Variants in PTPRD observed in about 807,000 individuals in gnomAD.
PTPRD encodes protein tyrosine phosphatase receptor type D.
Under a neutral mutation model 214.5 loss-of-function variants are expected in PTPRD, and 34 were observed. The observed-to-expected ratio is 0.16, with a 90% CI of 0.12 to 0.21. The LOEUF is 0.21. Ranked by LOEUF, PTPRD falls within the 10% of genes least tolerant of loss-of-function variation. The pLI is 1.00. For synonymous variants in PTPRD, 1,128 were observed against 845.7 expected, an observed-to-expected ratio of 1.33 and a Z score of -5.79; for missense variants, 2,545 against 2,398.7, an observed-to-expected ratio of 1.06 and a Z score of -1.27.
At chr9:10,424,233 A>G (rs1233823514) in intron 2 of PTPRD, among the ~76,000 whole-genome samples, 1 of 151,992 alleles carries the variant, frequency 6.6e-6, no homozygotes, top group Non-Finnish European at 1.5e-5. Context: ...TATCAGGTAG[A>G]ATGATTAATA....
chr9:10,383,265 G>A (rs934693264), intron 2 of PTPRD, among the ~76,000 whole-genome samples: 1 of 151,788 alleles, frequency 6.6e-6, no homozygotes, highest in Admixed American at 6.6e-5. Flanking sequence ...TCAAACACTA[G>A]TTAAACATCA....
chr9:9,163,457 T>G (rs575978454), intron 10 of PTPRD, among the ~76,000 whole-genome samples: 1 of 152,180 alleles, frequency 6.6e-6, no homozygotes, highest in Admixed American at 6.5e-5. Context: ...ATTTAGTTTC[T>G]ATTGTCAAAT....
intron 44 of PTPRD, among the ~76,000 whole-genome samples, chr9:8,326,090 G>C (rs191888364): frequency 2.0e-5 from 3 of 152,320 alleles, no homozygotes; most frequent in African/African-American, 7.2e-5. Flanking sequence ...GCCTTGGCCA[G>C]AACTTCCAAT....
At chr9:8,491,104 A>G (rs1486141865) in intron 27 of PTPRD, among the ~76,000 whole-genome samples, 1 of 152,258 alleles carries the variant, frequency 6.6e-6, no homozygotes, top group Non-Finnish European at 1.5e-5. Flanking sequence ...AAGGAATTAA[A>G]TTTGGATTCT....
chr9:9,066,853 T>G (rs902362079), intron 10 of PTPRD, among the ~76,000 whole-genome samples: 1 of 152,208 alleles, frequency 6.6e-6, no homozygotes, highest in African/African-American at 2.4e-5. Context: ...ACCCAGTGAC[T>G]CTGATTTTGT....
At chr9:8,430,296 G>T (rs1590201221) in intron 35 of PTPRD, among the ~76,000 whole-genome samples, 1 of 151,234 alleles carries the variant, frequency 6.6e-6, no homozygotes, top group South Asian at 2.1e-4. Context: ...TTCAGACAGG[G>T]TCTCCCTCTG....
At chr9:9,683,819 T>A (rs142027959) in intron 7 of PTPRD, among the ~76,000 whole-genome samples, 183 of 151,908 alleles carry the variant, frequency 1.2e-3, no homozygotes, top group African/African-American at 4.0e-3. Flanking sequence ...TTTTAACGAA[T>A]TGATATTTAT....
intron 2 of PTPRD, among the ~76,000 whole-genome samples, chr9:10,513,018 G>C (rs7857651): frequency 0.23 from 35,176 of 151,966 alleles, 4,836 homozygotes; most frequent in Non-Finnish European, 0.3. Context: ...GAACAGAATT[G>C]TACTGATTTT....
At chr9:8,676,883 C>A (rs1293963232) in intron 12 of PTPRD, among the ~76,000 whole-genome samples, 1 of 152,070 alleles carries the variant, frequency 6.6e-6, no homozygotes, top group Non-Finnish European at 1.5e-5. Flanking sequence ...CCATTGTCAT[C>A]TATATTTTGT....
At chr9:9,470,788 G>C (rs2094532964) in intron 8 of PTPRD, among the ~76,000 whole-genome samples, 1 of 152,146 alleles carries the variant, frequency 6.6e-6, no homozygotes, top group South Asian at 2.1e-4. Context: ...TGTCTGGAGG[G>C]ACACGAATCA....
At chr9:8,911,794 A>G (rs1219216345) in intron 11 of PTPRD, among the ~76,000 whole-genome samples, 1 of 152,224 alleles carries the variant, frequency 6.6e-6, no homozygotes, top group Non-Finnish European at 1.5e-5. Context: ...TATATCCAAA[A>G]GATATAAATA....
At chr9:9,230,637 T>C (rs1310203415) in intron 9 of PTPRD, among the ~76,000 whole-genome samples, 1 of 152,122 alleles carries the variant, frequency 6.6e-6, no homozygotes, top group African/African-American at 2.4e-5. Flanking sequence ...TTGGATTGAA[T>C]GCTAGGACAC....
intron 8 of PTPRD, among the ~76,000 whole-genome samples, chr9:9,482,812 T>C (rs922049208): frequency 1.3e-5 from 2 of 152,204 alleles, no homozygotes; most frequent in African/African-American, 2.4e-5. Context: ...TGTTTTGTTC[T>C]ATATTTTACT....
chr9:10,415,351 A>G (rs190985473), intron 2 of PTPRD, among the ~76,000 whole-genome samples: 6 of 151,950 alleles, frequency 3.9e-5, no homozygotes, highest in Admixed American at 3.9e-4. Flanking sequence ...ATTTCTGGTA[A>G]AATTTTTGGT....
chr9:9,213,961 CTTT>C (rs869197995), intron 9 of PTPRD, among the ~76,000 whole-genome samples: 3 of 141,598 alleles, frequency 2.1e-5, no homozygotes, highest in Non-Finnish European at 4.7e-5. Context: ...TCTTCATCTT[CTTT>C]TTTTTCTTAC....
intron 9 of PTPRD, among the ~76,000 whole-genome samples, chr9:9,270,656 G>A (rs1308857285): frequency 1.3e-5 from 2 of 151,356 alleles, no homozygotes; most frequent in Admixed American, 6.6e-5. Flanking sequence ...TTATTTAGGG[G>A]ATCCCATGAT....
intron 8 of PTPRD, among the ~76,000 whole-genome samples, chr9:9,478,971 T>C (rs1406645973): frequency 6.6e-6 from 1 of 152,152 alleles, no homozygotes; most frequent in South Asian, 2.1e-4. Context: ...ATATGAATAA[T>C]TACATCATAA....
chr9:10,358,219 T>C (rs1374505288), intron 2 of PTPRD, among the ~76,000 whole-genome samples: 1 of 152,060 alleles, frequency 6.6e-6, no homozygotes, highest in Non-Finnish European at 1.5e-5. Context: ...ACATAATGAA[T>C]TAACAGTGTT....
chr9:10,326,919 T>G (rs1221549983), intron 3 of PTPRD, among the ~76,000 whole-genome samples: 2 of 151,404 alleles, frequency 1.3e-5, no homozygotes, highest in Non-Finnish European at 3.0e-5. Context: ...TTATTTGGAA[T>G]ACAATAGAAC....
Sources: allele counts gnomAD v4.1 joint callset (sites outside exome capture counted in the v4.1 genomes callset), GRCh38; gene constraint gnomAD v4.1.1; transcripts MANE v1.5; gene names NCBI Gene and HGNC (gene_info 2026-07-23, HGNC 2026-07-21).